ZNF277: variants seen among roughly 807,000 people sequenced by gnomAD.
The protein encoded by ZNF277 is zinc finger protein 277.
In ZNF277, 55 loss-of-function variants were observed where a neutral mutation model predicts 60.7. The observed-to-expected ratio is 0.91, with a 90% confidence interval of 0.73 to 1.13. The LOEUF (loss-of-function observed/expected upper bound fraction) is 1.13. Ranked by LOEUF, ZNF277 falls within the 50% of genes most tolerant of loss-of-function variation. The pLI, the probability that ZNF277 is intolerant of heterozygous loss-of-function variation, is 0.00. For missense variants in ZNF277, 510 were observed against 523.0 expected, an observed-to-expected ratio of 0.98 and a Z score of 0.24; for synonymous variants, 178 against 179.3, an observed-to-expected ratio of 0.99 and a Z score of 0.06.
rs754758558 is a variant in ZNF277 at position 112,303,623 on chromosome 7, T to C, written c.465+7312T>C. ...GAATTTTTTAAAGTCCTTCTCTTCC[T>C]ACCTAAGCTAAATTCTCTTGTACCT... On this transcript the variant is annotated intron_variant, in intron 4 of 11. Transcript: ENST00000361822. 5.3e-5 allele frequency among the ~76,000 whole-genome samples: 8 copies of C among 152,116 alleles called. 1 individual carries two copies. The highest frequency in any genetic ancestry group is 1.2e-4 in the Non-Finnish European group (8 of 67,996).
At chr7:112,303,595 A>G (rs1792528328) in intron 4 of ZNF277, among the ~76,000 whole-genome samples, 2 of 151,928 alleles carry the variant, frequency 1.3e-5, no homozygotes, top group South Asian at 2.1e-4. Flanking sequence ...ATGCCCACCT[A>G]TTGAATTTTT....
chr7:112,265,548 G>A (rs939677647), intron 1 of ZNF277, among the ~76,000 whole-genome samples: 3 of 152,094 alleles, frequency 2.0e-5, no homozygotes, highest in African/African-American at 7.2e-5. Context: ...ACCAAAATTT[G>A]ACAGAGAGAT....
intron 6 of ZNF277, chr7:112,328,531 A>G (rs1020742646): frequency 6.6e-5 from 10 of 152,126 alleles, no homozygotes; most frequent in African/African-American, 2.4e-4. Flanking sequence ...TAAAATACTA[A>G]CAAGTGTGGT....
At chr7:112,237,796 A>T (rs780682251) in intron 1 of ZNF277, among the ~76,000 whole-genome samples, 3 of 152,206 alleles carry the variant, frequency 2.0e-5, no homozygotes, top group Non-Finnish European at 4.4e-5. Flanking sequence ...AAAGACAAGG[A>T]GGAGGGAATC....
intron 1 of ZNF277, among the ~76,000 whole-genome samples, chr7:112,241,456 CA>C (rs770341731): frequency 1.2e-4 from 18 of 152,118 alleles, no homozygotes; most frequent in East Asian, 5.8e-4. Flanking sequence ...GGAGGTTGCT[CA>C]AAAAACTAAA....
At position 112,296,258 on chromosome 7, in the gene ZNF277, G is replaced by A. The variant is rs1157577178; in HGVS notation, c.412G>A (p.Asp138Asn). ...ACAAGAGAATTATTTTTTGTTATGTGACGTTTTACCAGAAGATAGAATTCT... is the reference window on the plus strand; with the variant it reads ...ACAAGAGAATTATTTTTTGTTATGTAACGTTTTACCAGAAGATAGAATTCT... Reference protein sequence around the residue: ...EEQENYFLLCDVLPEDRILRE... With the variant: ...EEQENYFLLCNVLPEDRILRE... Residue 138 changes from aspartate (D) to asparagine (N), a missense_variant, in exon 4 of 12, where the codon GAC (aspartate) becomes AAC (asparagine). Transcript: ENST00000361822. 1 of 1,589,086 alleles carries A rather than the reference G, an allele frequency of 6.3e-7. No individual in the cohort carries two copies. The highest frequency in any genetic ancestry group is 2.2e-5 in the East Asian group (1 of 44,456).
At chr7:112,275,798 C>T (rs1791778997) in intron 1 of ZNF277, among the ~76,000 whole-genome samples, 1 of 152,126 alleles carries the variant, frequency 6.6e-6, no homozygotes, top group South Asian at 2.1e-4. Flanking sequence ...AAACCAGAAA[C>T]ATTCATAATC....
chr7:112,310,478 A>AGAGAGAGAGAGAGAGAGAGAGTGTGTGT (rs762824873), intron 4 of ZNF277, among the ~76,000 whole-genome samples: 3 of 125,512 alleles, frequency 2.4e-5, no homozygotes, highest in African/African-American at 3.9e-5. Flanking sequence ...AGAGAGAGAG[A>AGAGAGAGAGAGAGAGAGAGAGTGTGTGT]GTGTGTGTGT....
chr7:112,258,218 T>C (rs913484473), intron 1 of ZNF277, among the ~76,000 whole-genome samples: 29 of 152,142 alleles, frequency 1.9e-4, no homozygotes, highest in African/African-American at 7.0e-4. Flanking sequence ...AGTGCATGAA[T>C]TTTAGCATCT....
intron 1 of ZNF277, among the ~76,000 whole-genome samples, chr7:112,284,054 T>A (rs1479371166): frequency 6.6e-6 from 1 of 152,264 alleles, no homozygotes; most frequent in East Asian, 1.9e-4. Flanking sequence ...TTTAGGCTAC[T>A]GACTAACATT....
intron 1 of ZNF277, among the ~76,000 whole-genome samples, chr7:112,243,320 A>T (rs1252539211): frequency 2.0e-5 from 3 of 152,080 alleles, no homozygotes; most frequent in African/African-American, 7.2e-5. Context: ...AAAAACAAAG[A>T]TAGACAAGTT....
chr7:112,254,937 T>A (rs1351243086), intron 1 of ZNF277, among the ~76,000 whole-genome samples: 1 of 152,080 alleles, frequency 6.6e-6, no homozygotes, highest in African/African-American at 2.4e-5. Context: ...CGCGCCACTG[T>A]ACTCCAGCCT....
intron 1 of ZNF277, among the ~76,000 whole-genome samples, chr7:112,280,750 C>T (rs1365138325): frequency 6.6e-6 from 1 of 152,022 alleles, no homozygotes; most frequent in Non-Finnish European, 1.5e-5. Context: ...CTCAGCCTCC[C>T]GAGTAGTGGG....
chr7:112,252,537 T>C (rs1373375350), intron 1 of ZNF277, among the ~76,000 whole-genome samples: 2 of 152,156 alleles, frequency 1.3e-5, no homozygotes, highest in East Asian at 3.8e-4. Context: ...ATACCCGTGA[T>C]GTCGCTAGGA....
At chr7:112,330,460 CAAA>C (rs774106936) in intron 7 of ZNF277, 417 of 341,052 alleles carry the variant, frequency 1.2e-3, no homozygotes, top group Middle Eastern at 2.2e-3. Flanking sequence ...TCATCTTGAC[CAAA>C]AAAAAAAAAA....
At chr7:112,312,216 GA>G (rs796180812) in intron 4 of ZNF277, among the ~76,000 whole-genome samples, 2 of 151,604 alleles carry the variant, frequency 1.3e-5, no homozygotes, top group East Asian at 3.9e-4. Context: ...TATTAGTTTG[GA>G]AAAAAAAATT....
chr7:112,262,364 G>C (rs1027398059), intron 1 of ZNF277, among the ~76,000 whole-genome samples: 1 of 151,772 alleles, frequency 6.6e-6, no homozygotes, highest in Non-Finnish European at 1.5e-5. Flanking sequence ...TTAAATCTCA[G>C]CATGCAAGCC....
intron 1 of ZNF277, among the ~76,000 whole-genome samples, chr7:112,212,783 C>G (rs573398966): frequency 6.6e-6 from 1 of 152,144 alleles, no homozygotes; most frequent in Non-Finnish European, 1.5e-5. Context: ...ACTAGTATTA[C>G]AACTATGTGC....
intron 1 of ZNF277, among the ~76,000 whole-genome samples, chr7:112,285,712 A>G (rs1319884900): frequency 6.6e-6 from 1 of 150,856 alleles, no homozygotes; most frequent in Non-Finnish European, 1.5e-5. Flanking sequence ...GGGATTACAG[A>G]TGTGAGCCAC....
Sources: allele counts gnomAD v4.1 joint callset (sites outside exome capture counted in the v4.1 genomes callset), GRCh38; gene constraint gnomAD v4.1.1; transcripts MANE v1.5; gene names NCBI Gene and HGNC (gene_info 2026-07-23, HGNC 2026-07-21).